MED13L: variants seen among roughly 807,000 people sequenced by gnomAD.
MED13L encodes the protein mediator of RNA polymerase II transcription subunit 13-like.
In MED13L, 7 loss-of-function variants were observed where a neutral mutation model predicts 220.9. The ratio of observed to expected loss-of-function variants is 0.03; its 90% CI spans 0.02 to 0.06. The LOEUF is 0.06. MED13L is among the 10% of genes least tolerant of loss of function. The pLI, the probability that MED13L is intolerant of heterozygous loss-of-function variation, is 1.00. For synonymous variants in MED13L, 1,011 were observed against 1,015.2 expected (o/e 1.00, Z 0.08); for missense variants, 1,965 against 2,760.5 (o/e 0.71, Z 6.46).
chr12:116,038,955 TC>T (rs1267499151), intron 4 of MED13L, among the ~76,000 whole-genome samples: 3 of 152,038 alleles, frequency 2.0e-5, no homozygotes, highest in African/African-American at 7.2e-5. Flanking sequence ...CTTAAATACT[TC>T]TCTAATGAGA....
chr12:115,995,198 G>GCTCA (rs1260958615), intron 16 of MED13L, among the ~76,000 whole-genome samples: 3 of 152,124 alleles, frequency 2.0e-5, no homozygotes, highest in Non-Finnish European at 4.4e-5. Flanking sequence ...GCAGCCCAGA[G>GCTCA]GCTGAGGCTG....
intron 2 of MED13L, among the ~76,000 whole-genome samples, chr12:116,133,578 A>G (rs1037679118): frequency 3.9e-5 from 6 of 152,108 alleles, no homozygotes; most frequent in East Asian, 3.9e-4. Context: ...CTGACAAACA[A>G]TATTTTCCAA....
At chr12:116,020,609 G>A (rs1880004835) in intron 5 of MED13L, among the ~76,000 whole-genome samples, 1 of 152,142 alleles carries the variant, frequency 6.6e-6, no homozygotes, top group Non-Finnish European at 1.5e-5. Context: ...GAGGTCTGTT[G>A]ATAAAACAAC....
intron 1 of MED13L, chr12:116,276,292 G>A (rs1873811581): frequency 2.3e-6 from 1 of 443,764 alleles, no homozygotes; most frequent in Non-Finnish European, 3.5e-6. Context: ...TTATCAAACC[G>A]ACCAGCTTGT....
chr12:116,235,414 T>C (rs945916469), intron 2 of MED13L, among the ~76,000 whole-genome samples: 4 of 152,174 alleles, frequency 2.6e-5, no homozygotes, highest in Admixed American at 6.5e-5. Flanking sequence ...CAATACTACA[T>C]TTAATTAGAA....
chr12:116,260,464 GGA>G (rs914032258), intron 1 of MED13L, among the ~76,000 whole-genome samples: 2 of 152,120 alleles, frequency 1.3e-5, no homozygotes, highest in African/African-American at 4.8e-5. Context: ...AAGGGGGTAT[GGA>G]GAGAGAGGCA....
intron 4 of MED13L, among the ~76,000 whole-genome samples, chr12:116,092,570 C>G (rs1213337282): frequency 6.6e-6 from 1 of 152,156 alleles, no homozygotes; most frequent in Admixed American, 6.5e-5. Flanking sequence ...CAAAACATTT[C>G]TGGTATGAGT....
chr12:115,974,453 C>T (rs1032636188), intron 25 of MED13L, among the ~76,000 whole-genome samples: 2 of 152,214 alleles, frequency 1.3e-5, no homozygotes, highest in African/African-American at 4.8e-5. Context: ...ATTCATACTA[C>T]TCACATAAAA....
intron 1 of MED13L, among the ~76,000 whole-genome samples, chr12:116,238,031 C>T (rs139994396): frequency 6.6e-6 from 1 of 152,132 alleles, no homozygotes; most frequent in Non-Finnish European, 1.5e-5. Flanking sequence ...TGTTATCATT[C>T]AATATTCAAC....
At chr12:116,078,890 T>A (rs897981816) in intron 4 of MED13L, among the ~76,000 whole-genome samples, 1 of 152,190 alleles carries the variant, frequency 6.6e-6, no homozygotes, top group African/African-American at 2.4e-5. Flanking sequence ...TTAAAAAGAA[T>A]ATAAAACTCC....
chr12:116,243,064 T>C (rs998926822), intron 1 of MED13L, among the ~76,000 whole-genome samples: 7 of 152,324 alleles, frequency 4.6e-5, no homozygotes, highest in Non-Finnish European at 1.0e-4. Flanking sequence ...ATCCCATGAA[T>C]AGACTTTTAT....
intron 9 of MED13L, among the ~76,000 whole-genome samples, chr12:116,011,698 A>T (rs184688206): frequency 6.6e-6 from 1 of 152,314 alleles, no homozygotes; most frequent in East Asian, 1.9e-4. Flanking sequence ...ATGCTCAGAG[A>T]GGGAACCCTT....
chr12:115,989,502 A>G lies in MED13L; in HGVS notation c.3934+1518T>C, dbSNP rs138120782. On this transcript the variant is annotated intron_variant, in intron 17 of 30. Coordinates refer to ENST00000281928, the MANE Select transcript of MED13L (RefSeq NM_015335.5). ...GTCTATACTTTTCTCCTCCTCCTCAATGAGCTCATCTGTGCCCCCTTAATT... is the reference window on the plus strand; with the variant it reads ...GTCTATACTTTTCTCCTCCTCCTCAGTGAGCTCATCTGTGCCCCCTTAATT... Among the ~76,000 whole-genome samples the G allele has an allele frequency of 3.3e-5, 5 of 151,846 alleles. No homozygotes were observed. In the East Asian group the frequency reaches 5.8e-4, roughly 18 times the overall value.
chr12:116,070,873 ATTG>A (rs1182353794), intron 4 of MED13L, among the ~76,000 whole-genome samples: 2 of 152,232 alleles, frequency 1.3e-5, no homozygotes, highest in African/African-American at 4.8e-5. Context: ...TTCTCTTAAC[ATTG>A]TTAAGTGAAT....
chr12:115,969,644 G>A (rs1371351294), intron 27 of MED13L, among the ~76,000 whole-genome samples: 2 of 151,322 alleles, frequency 1.3e-5, no homozygotes, highest in South Asian at 2.1e-4. Flanking sequence ...GCACGATCTC[G>A]GCTCACTGCA....
intron 2 of MED13L, among the ~76,000 whole-genome samples, chr12:116,149,504 G>C (rs1024247791): frequency 6.6e-6 from 1 of 152,170 alleles, no homozygotes; most frequent in Non-Finnish European, 1.5e-5. Context: ...AAGAAGGCTG[G>C]CTCTAAAAAG....
At chr12:116,250,504 C>T (rs1253118828) in intron 1 of MED13L, among the ~76,000 whole-genome samples, 1 of 151,202 alleles carries the variant, frequency 6.6e-6, no homozygotes, top group Non-Finnish European at 1.5e-5. Context: ...TGGCTCACAC[C>T]TGTAATCCCA....
rs550441186 is a variant in MED13L, at chr12:116,172,491, C to T, written c.311-60979G>A. Among the ~76,000 whole-genome samples, 41 of 152,176 alleles carry T rather than the reference C, an allele frequency of 2.7e-4. 1 individual carries two copies. The South Asian group carries it at 8.5e-3, about 32-fold the overall frequency. ...TAGAAATGAGAAACTTCCTGTTTTC[C>T]GTAAATGGTTACAGAAAATGCAAGT... On this transcript the variant is annotated intron_variant, in intron 2 of 30. Transcript: ENST00000281928.
Position 115,961,338 on chromosome 12 carries a change from G to A in MED13L, c.6561C>T (p.Asp2187=). Residue 2187 remains aspartate, a synonymous_variant, in exon 31 of 31, where the codon GAC becomes GAT. Coordinates refer to ENST00000281928, the MANE Select transcript of MED13L (RefSeq NM_015335.5). The part of the protein sequence containing the change: ...SWLTCNPATQ[D]RTSCLPVHFV... ...AGTGGACGGGAAGGCAGGAAGTACG[G>A]TCCTGGGTGGCCGGATTGCACGTGA... The A allele has an allele frequency of 3.1e-6, 5 of 1,614,184 alleles. No individual in the cohort carries two copies. The highest frequency in any genetic ancestry group is 4.2e-6 in the Non-Finnish European group (5 of 1,180,014).
Sources: gnomAD v4.1 joint callset for allele counts (sites outside exome capture counted in the v4.1 genomes callset) on GRCh38, gnomAD v4.1.1 for gene constraint, MANE v1.5 for transcripts, NCBI Gene and HGNC (gene_info 2026-07-23, HGNC 2026-07-21) for gene names.